LYST: variants seen among roughly 807,000 people sequenced by gnomAD.
LYST encodes lysosomal-trafficking regulator.
A neutral mutation model predicts 413.6 loss-of-function variants in LYST; 192 were observed. That is an observed-to-expected ratio of 0.46 (90% CI 0.41 to 0.52). The LOEUF (loss-of-function observed/expected upper bound fraction) is 0.52, where lower values mean the gene tolerates loss of function less well. Ranked by LOEUF, LYST falls within the 20% of genes least tolerant of loss-of-function variation. The probability of loss-of-function intolerance (pLI) is 0.00; values close to 1 mark genes in which losing one functional copy is unlikely to be tolerated. For missense variants in LYST, 3,815 were observed against 4,499.9 expected, an observed-to-expected ratio of 0.85 and a Z score of 4.35; for synonymous variants, 1,525 against 1,567.3, an observed-to-expected ratio of 0.97 and a Z score of 0.64.
rs1658282248 is a variant in LYST, at chr1:235,664,608, A to G, written c.11052T>C (p.Ser3684=). The G allele has an allele frequency of 6.2e-7, 1 of 1,614,118 alleles. No homozygotes were observed. The highest frequency in any genetic ancestry group is 8.5e-7 in the Non-Finnish European group (1 of 1,180,012). Residue 3684 remains serine (S), a synonymous_variant, in exon 51 of 53, where the codon AGT becomes AGC. Coordinates refer to ENST00000389793, the MANE Select transcript of LYST (RefSeq NM_000081.4). This position sits in a 1 kb window ranked among gnomAD's most constrained non-coding sequence, Gnocchi z 4.5. ...CGTTCACCGTCCAGAGTCTGAGGTC[A>G]CTGCCTCCGCCAGCTAAAACACCCA... ...ATVCDSAGGG[S]DLRLWTVNGD... is the part of the protein sequence containing the mutation.
At chr1:235,748,793 T>TGAA (rs1317370417) in intron 28 of LYST, among the ~76,000 whole-genome samples, 7 of 152,218 alleles carry the variant, frequency 4.6e-5, no homozygotes, top group African/African-American at 1.7e-4. Flanking sequence ...ACGGTACTGC[T>TGAA]GAAGAAACTT....
intron 15 of LYST, among the ~76,000 whole-genome samples, chr1:235,781,572 A>G (rs1572238317): frequency 1.3e-5 from 2 of 152,230 alleles, no homozygotes; most frequent in East Asian, 1.9e-4. Context: ...GACAACCAAG[A>G]TAAGTTTACT....
At chr1:235,715,459 T>A in intron 41 of LYST, 102 bp from the exon 42 acceptor site, 2 of 1,107,178 alleles carry the variant, frequency 1.8e-6, no homozygotes, top group Non-Finnish European at 2.7e-6. Flanking sequence ...ACTACCCCTT[T>A]GAGGCCATTC....
chr1:235,700,402 T>G (rs1179079072), intron 45 of LYST, among the ~76,000 whole-genome samples: 1 of 152,104 alleles, frequency 6.6e-6, no homozygotes, highest in African/African-American at 2.4e-5. Context: ...ACAAACGACC[T>G]CATGAAAAAG....
At chr1:235,777,754 G>A (rs911206722) in intron 16 of LYST, among the ~76,000 whole-genome samples, 67 of 152,040 alleles carry the variant, frequency 4.4e-4, no homozygotes, top group African/African-American at 1.6e-3. Flanking sequence ...CTCTAAACTA[G>A]ATCTTTCTAC....
rs754895438 is a variant in LYST, at chr1:235,800,419, C to T, written c.3940-33G>A. 8.3e-6 allele frequency: 10 copies of T among 1,197,840 alleles called. No homozygotes were observed. The Admixed American group carries it at 1.2e-4, about 14-fold the overall frequency. The allele number at this position is 1,197,840 out of a possible 1,614,324, so 74.2% of individuals were successfully genotyped here. On this transcript the variant is annotated intron_variant, in intron 9 of 52. Transcript: ENST00000389793. ...TTAAAAAAAATACAAAATTAAATTA[C>T]TTACCTCACAGAAGCATGAAACAAC...
chr1:235,682,742 C>A (rs1465110759), intron 48 of LYST, among the ~76,000 whole-genome samples: 1 of 152,166 alleles, frequency 6.6e-6, no homozygotes, highest in Non-Finnish European at 1.5e-5. Flanking sequence ...AGTAAGCAGT[C>A]AGTAAATATT....
chr1:235,774,771 A>C, intron 18 of LYST, 142 bp downstream of exon 18: 1 of 610,118 alleles, frequency 1.6e-6, no homozygotes, highest in Non-Finnish European at 2.9e-6. Context: ...AGAGTATCTT[A>C]GTTTGATTAA....
chr1:235,781,828 TTTG>T (rs1669900151), intron 15 of LYST, 96 bp downstream of exon 15: 1 of 797,514 alleles, frequency 1.3e-6, no homozygotes, highest in Non-Finnish European at 2.1e-6. Flanking sequence ...TAGTTTAATA[TTTG>T]TTAACTGAGA....
At chr1:235,822,769 G>A (rs1674898959) in intron 3 of LYST, among the ~76,000 whole-genome samples, 1 of 152,122 alleles carries the variant, frequency 6.6e-6, no homozygotes, top group African/African-American at 2.4e-5. Context: ...GACTAGCTTT[G>A]ACCAATACAA....
rs1284214558 is a variant in LYST at position 235,661,291 on chromosome 1, G to A, written c.*1649C>T. The A allele has an allele frequency of 2.0e-5, 3 of 152,324 alleles. No individual in the cohort carries two copies. The highest frequency in any genetic ancestry group is 2.9e-5 in the Non-Finnish European group (2 of 67,994). The allele number at this position is 152,324 out of a possible 1,614,324, so 9.4% of individuals were successfully genotyped here. On this transcript the variant is annotated 3_prime_UTR_variant, in exon 53 of 53. Coordinates refer to ENST00000389793, the MANE Select transcript of LYST (RefSeq NM_000081.4). Reference sequence around the variant, plus strand: ...TCTCTTTAGATAAATGATGAAATTCGGTTTTTAAAAAAAGATGAGTAGCAA... The same window carrying A: ...TCTCTTTAGATAAATGATGAAATTCAGTTTTTAAAAAAAGATGAGTAGCAA...
intron 13 of LYST, among the ~76,000 whole-genome samples, chr1:235,787,945 G>A (rs969724501): frequency 6.6e-6 from 1 of 152,016 alleles, no homozygotes; most frequent in African/African-American, 2.4e-5. Context: ...TAATAAAGGA[G>A]ATAGTATAAA....
At chr1:235,814,837 G>A (rs528671719) in intron 3 of LYST, among the ~76,000 whole-genome samples, 2 of 152,202 alleles carry the variant, frequency 1.3e-5, no homozygotes, top group East Asian at 1.9e-4. Flanking sequence ...ACCCTTCACG[G>A]CAATGATTCC....
At chr1:235,680,728 A>G (rs1293455581) in intron 48 of LYST, among the ~76,000 whole-genome samples, 3 of 151,804 alleles carry the variant, frequency 2.0e-5, no homozygotes, top group African/African-American at 4.8e-5. Flanking sequence ...CTTCCTGAGT[A>G]GCTGGAATTA....
chr1:235,881,066 G>A (rs1432450600), intron 1 of LYST, among the ~76,000 whole-genome samples: 2 of 152,148 alleles, frequency 1.3e-5, no homozygotes, highest in Non-Finnish European at 2.9e-5. Context: ...GTGACTTGCT[G>A]TACGTGATAT....
intron 28 of LYST, among the ~76,000 whole-genome samples, chr1:235,750,447 G>A (rs907595263): frequency 6.6e-6 from 1 of 152,120 alleles, no homozygotes; most frequent in African/African-American, 2.4e-5. Flanking sequence ...CTTAACACGG[G>A]TGAAAGAAAG....
At chr1:235,797,695 A>G (rs184764836) in intron 10 of LYST, among the ~76,000 whole-genome samples, 183 of 152,324 alleles carry the variant, frequency 1.2e-3, no homozygotes, top group African/African-American at 4.3e-3. Context: ...TACGGGGAAC[A>G]TTCCATAATA....
intron 47 of LYST, among the ~76,000 whole-genome samples, chr1:235,692,262 G>A (rs1157519304): frequency 2.0e-5 from 3 of 151,766 alleles, no homozygotes; most frequent in African/African-American, 7.2e-5. Context: ...GAATCCGGGA[G>A]GCGGAGGTTG....
chr1:235,707,875 G>C (rs575545548), intron 44 of LYST, among the ~76,000 whole-genome samples: 19 of 152,026 alleles, frequency 1.2e-4, no homozygotes, highest in African/African-American at 4.6e-4. Context: ...GGTTTTTTTG[G>C]GGGGGGATTT....
Sources: gnomAD v4.1 joint callset for allele counts (sites outside exome capture counted in the v4.1 genomes callset) on GRCh38, gnomAD v4.1.1 for gene constraint, Gnocchi (gnomAD v3.1) non-coding constraint, MANE v1.5 for transcripts, NCBI Gene and HGNC (gene_info 2026-07-23, HGNC 2026-07-21) for gene names.